CCNJL: variants seen among roughly 807,000 people sequenced by gnomAD.
CCNJL encodes the protein cyclin-J-like protein.
Under a neutral mutation model 33.4 loss-of-function variants are expected in CCNJL, and 33 were observed. That is an observed-to-expected ratio of 0.99 (90% CI 0.75 to 1.32). CCNJL has a LOEUF of 1.32. Among genes scored for constraint, CCNJL ranks in the 40% most tolerant of loss-of-function variants. The pLI, the probability that CCNJL is intolerant of heterozygous loss-of-function variation, is 0.00. For synonymous variants in CCNJL, 227 were observed against 220.9 expected (o/e 1.03, Z -0.24); for missense variants, 512 against 499.7 (o/e 1.02, Z -0.23).
In CCNJL at chr5:160,253,008, T is replaced by C. The variant is rs944060374; in HGVS notation, c.*370A>G. 6 of 177,928 alleles carry C rather than the reference T, an allele frequency of 3.4e-5. No homozygotes were observed. The highest frequency in any genetic ancestry group is 1.5e-4 in the East Asian group (1 of 6,684). The allele number at this position is 177,928 out of a possible 1,614,324, so 11.0% of individuals were successfully genotyped here. A position where few individuals can be genotyped will look rare whatever the true frequency, so the allele number is the denominator to read the frequency against. ...CGGTGTAGCTGCCATCAGCAAAGAA[T>C]AGAAAAGTCTTTAATGCTAAAAACT... On this transcript the variant is annotated 3_prime_UTR_variant, in exon 6 of 6. Transcript: ENST00000257536.
intron 1 of CCNJL, among the ~76,000 whole-genome samples, chr5:160,321,020 T>C (rs4921127): frequency 0.018 from 343 of 18,732 alleles, no homozygotes; most frequent in Admixed American, 0.034. Flanking sequence ...CTCTCTTTCT[T>C]TCTTTCTTTC....
chr5:160,331,390 A>T (rs1451654312), intron 1 of CCNJL, among the ~76,000 whole-genome samples: 2 of 151,312 alleles, frequency 1.3e-5, no homozygotes, highest in African/African-American at 2.4e-5. Context: ...CGCCCGGCTA[A>T]TTTTTTTGTA....
intron 3 of CCNJL, among the ~76,000 whole-genome samples, chr5:160,269,081 G>C (rs561253835): frequency 2.6e-5 from 4 of 152,368 alleles, no homozygotes; most frequent in Admixed American, 2.6e-4. Context: ...GAGGTTGTGG[G>C]TGGTTGTTTT....
intron 2 of CCNJL, among the ~76,000 whole-genome samples, chr5:160,295,904 A>G (rs936813233): frequency 6.6e-6 from 1 of 152,142 alleles, no homozygotes; most frequent in Non-Finnish European, 1.5e-5. Flanking sequence ...TACACCCTCT[A>G]TTTCCTGTCT....
intron 3 of CCNJL, among the ~76,000 whole-genome samples, chr5:160,264,605 C>A (rs1761495422): frequency 1.3e-5 from 2 of 151,858 alleles, no homozygotes; most frequent in Non-Finnish European, 2.9e-5. Flanking sequence ...CCATTTTTCA[C>A]TGTACAGTTC....
At position 160,302,098 on chromosome 5, in the gene CCNJL, C is replaced by A. The variant is rs187925610; in HGVS notation, c.66+9760G>T. 3.4e-3 allele frequency among the ~76,000 whole-genome samples: 520 copies of A among 152,216 alleles called. 2 individuals carry two copies. Among genetic ancestry groups the A allele is most frequent in the African/African-American group, 0.012 (481 of 41,522 alleles). On this transcript the variant is annotated intron_variant, in intron 2 of 5. Coordinates refer to ENST00000257536, the MANE Select transcript of CCNJL (RefSeq NM_001308173.3). Reference sequence around the variant, plus strand: ...GTCAAAACTCACTGTACACTATAAACGGTATATTCACTTAAGATCTGTATA... The same window carrying A: ...GTCAAAACTCACTGTACACTATAAAAGGTATATTCACTTAAGATCTGTATA...
upstream of CCNJL, chr5:160,312,759 G>C (rs1175153824): frequency 1.3e-5 from 2 of 152,152 alleles, no homozygotes; most frequent in African/African-American, 4.8e-5. Context: ...GCTGAGGCTA[G>C]TGGTAGCCTT....
chr5:160,280,544 G>C lies in CCNJL; in HGVS notation c.261C>G (p.Val87=). The C allele has an allele frequency of 1.2e-6, 2 of 1,612,920 alleles. No homozygotes were observed. Among genetic ancestry groups the C allele is most frequent in the Non-Finnish European group, 1.7e-6 (2 of 1,180,000 alleles). ...GCTTACTTGCAAGCAGGAGGCAGGAGACGGCCACGGTGTAGAGCTGCTTGG... is the reference window on the plus strand; with the variant it reads ...GCTTACTTGCAAGCAGGAGGCAGGACACGGCCACGGTGTAGAGCTGCTTGG... ...TTSKQLYTVA[V]SCLLLASKFE... is the part of the protein sequence containing the mutation. Residue 87 remains valine, a synonymous_variant, in exon 3 of 6, where the codon GTC becomes GTG. Coordinates refer to ENST00000257536, the MANE Select transcript of CCNJL (RefSeq NM_001308173.3).
chr5:160,266,188 G>A (rs942501195), intron 3 of CCNJL, among the ~76,000 whole-genome samples: 3 of 152,258 alleles, frequency 2.0e-5, no homozygotes. Context: ...GCAGTGCTAC[G>A]CAGTCAGGTG....
At chr5:160,320,784 CTTTCCTTTCTTTCTTTCTTT>C (rs1763431038) in intron 1 of CCNJL, among the ~76,000 whole-genome samples, 1 of 145,478 alleles carries the variant, frequency 6.9e-6, no homozygotes. Context: ...TCTTTTCTTT[CTTTCCTTTCTTTCTTTCTTT>C]CTTTCTTTCT....
At chr5:160,331,380 C>T (rs903399025) in intron 1 of CCNJL, among the ~76,000 whole-genome samples, 2 of 151,928 alleles carry the variant, frequency 1.3e-5, no homozygotes, top group Non-Finnish European at 1.5e-5. Flanking sequence ...CCCACCACCA[C>T]GCCCGGCTAA....
chr5:160,312,428 C>G lies in CCNJL; in HGVS notation c.-114G>C, dbSNP rs937293656. 1 of 152,992 alleles carries G rather than the reference C, an allele frequency of 6.5e-6. No homozygotes were observed. The highest frequency in any genetic ancestry group is 1.5e-5 in the Non-Finnish European group (1 of 68,654). The allele number at this position is 152,992 out of a possible 1,614,324, so 9.5% of individuals were successfully genotyped here. A position where few individuals can be genotyped will look rare whatever the true frequency, so the allele number is the denominator to read the frequency against. The stretch of plus-strand genomic sequence containing the variant: ...CCTCCCAGTGCCGAGCCAGCCGTGC[C>G]CTCTGGTGCCTGCCGGCGGTTGGAC... On this transcript the variant is annotated 5_prime_UTR_variant, in exon 1 of 6. Transcript: ENST00000257536.
chr5:160,323,957 TC>T (rs1286003970), intron 1 of CCNJL, among the ~76,000 whole-genome samples: 1 of 152,224 alleles, frequency 6.6e-6, no homozygotes, highest in Non-Finnish European at 1.5e-5. Flanking sequence ...ACGGGGACTA[TC>T]CCCAAGACTC....
chr5:160,320,834 T>C (rs150460583), intron 1 of CCNJL, among the ~76,000 whole-genome samples: 8,935 of 119,060 alleles, frequency 0.075, 326 homozygotes, highest in Middle Eastern at 0.13. Flanking sequence ...TCTTTCTTTC[T>C]TTCTTTCTTT....
intron 3 of CCNJL, among the ~76,000 whole-genome samples, chr5:160,271,603 C>T (rs182120062): frequency 2.9e-4 from 44 of 152,334 alleles, no homozygotes; most frequent in African/African-American, 9.9e-4. Flanking sequence ...CTGTGACATT[C>T]GAGCCCCGTG....
chr5:160,322,777 A>G (rs1464580633), intron 1 of CCNJL, among the ~76,000 whole-genome samples: 2 of 150,816 alleles, frequency 1.3e-5, no homozygotes, highest in African/African-American at 2.4e-5. Flanking sequence ...GTGGTTGCGC[A>G]GCGCACCTGT....
At chr5:160,331,702 T>C (rs1763610575) in intron 1 of CCNJL, among the ~76,000 whole-genome samples, 1 of 152,238 alleles carries the variant, frequency 6.6e-6, no homozygotes, top group African/African-American at 2.4e-5. Context: ...TCAATACAGC[T>C]GCCTGTTCTG....
rs1348828569 is a variant in CCNJL at position 160,249,169 on chromosome 5, T to C, written c.*4209A>G. 6.6e-6 allele frequency: 1 copy of C among 152,262 alleles called. No individual in the cohort carries two copies. The highest frequency in any genetic ancestry group is 2.4e-5 in the African/African-American group (1 of 41,470). The allele number at this position is 152,262 out of a possible 1,614,324, so 9.4% of individuals were successfully genotyped here. On this transcript the variant is annotated 3_prime_UTR_variant, in exon 6 of 6. Transcript: ENST00000257536. ...AGCTCATTTGCTCCCATTTGAACCA[T>C]GCTGCCTCTGAAACTTAATTACATC... is the stretch of plus-strand genomic sequence containing the variant.
At chr5:160,303,719 T>TGTGC (rs1311242945) in intron 2 of CCNJL, among the ~76,000 whole-genome samples, 2 of 81,016 alleles carry the variant, frequency 2.5e-5, no homozygotes, top group Non-Finnish European at 5.4e-5. Flanking sequence ...TGTGTGTGTG[T>TGTGC]GTGTGTGTCT....
Sources: allele counts gnomAD v4.1 joint callset (sites outside exome capture counted in the v4.1 genomes callset), GRCh38; gene constraint gnomAD v4.1.1; transcripts MANE v1.5; gene names NCBI Gene and HGNC (gene_info 2026-07-23, HGNC 2026-07-21).